The following IFNA14 variants were observed in gnomAD, a reference collection of about 807,000 sequenced individuals.
IFNA14 encodes interferon alpha 14, also known as interferon alpha-14.
For missense variants in IFNA14, 337 were observed against 214.9 expected, an observed-to-expected ratio of 1.57 and a Z score of -3.55; for synonymous variants, 113 against 76.8, an observed-to-expected ratio of 1.47 and a Z score of -2.46.
chr9:21,239,240 A>G lies in IFNA14; in HGVS notation c.*126T>C. On this transcript the variant is annotated 3_prime_UTR_variant, in exon 1 of 1. Transcript: ENST00000380222. ...ATGATGCTTCTTTACACTCCTGAAA[A>G]CATTTGAAAATTTTGATTCAACTTG... 6.6e-7 allele frequency: 1 copy of G among 1,524,384 alleles called. No individual in the cohort carries two copies. The highest frequency in any genetic ancestry group is 8.8e-7 in the Non-Finnish European group (1 of 1,131,608). The allele number at this position is 1,524,384 out of a possible 1,614,324, so 94.4% of individuals were successfully genotyped here. A position where few individuals can be genotyped will look rare whatever the true frequency, so the allele number is the denominator to read the frequency against.
chr9:21,239,614 A>G lies in IFNA14; in HGVS notation c.322T>C (p.Phe108Leu), dbSNP rs1276921070. Reference protein sequence around the residue: ...AAWDETLLEKFYIELFQQMND... With the variant: ...AAWDETLLEKLYIELFQQMND... ...ATTTGCTGGAAAAGTTCAATGTAGA[A>G]TTTTTCTAGGAGGGTCTCATCCCAA... is the stretch of plus-strand genomic sequence containing the variant. Residue 108 changes from phenylalanine to leucine, a missense_variant, in exon 1 of 1, where the codon TTC (phenylalanine) becomes CTC (leucine). Physicochemically the swap from Phe to Leu is conservative, Grantham distance 22 (BLOSUM62 0). Coordinates refer to ENST00000380222, the MANE Select transcript of IFNA14 (RefSeq NM_002172.3). The G allele has an allele frequency of 3.1e-6, 5 of 1,613,766 alleles. No homozygotes were observed. The highest frequency in any genetic ancestry group is 1.1e-5 in the South Asian group (1 of 91,060).
Position 21,239,430 on chromosome 9 carries a change from G to T in IFNA14, c.506C>A (p.Ala169Glu), listed in dbSNP as rs1310231522. 1.1e-5 allele frequency: 17 copies of T among 1,614,086 alleles called. No individual in the cohort carries two copies. Among genetic ancestry groups the T allele is most frequent in the Non-Finnish European group, 1.4e-5 (17 of 1,180,010 alleles). ...YSPCAWEVVR[A>E]EIMRSLSFST... ...AAAAGAGAGGGATCTCATGATTTCTGCTCTGACAACCTCCCAGGCACAAGG... is the reference window on the plus strand; with the variant it reads ...AAAAGAGAGGGATCTCATGATTTCTTCTCTGACAACCTCCCAGGCACAAGG... The change falls in exon 1 of 1, where the codon GCA (alanine) becomes GAA (glutamate). Residue 169 changes from alanine (A) to glutamate (E), a missense_variant. Ala to Glu is a moderately radical substitution (Grantham distance 107, BLOSUM62 -1). Transcript: ENST00000380222.
chr9:21,239,347 T>A lies in IFNA14; in HGVS notation c.*19A>T. 6.2e-7 allele frequency: 1 copy of A among 1,613,130 alleles called. No individual in the cohort carries two copies. Among genetic ancestry groups the A allele is most frequent in the African/African-American group, 1.3e-5 (1 of 74,922 alleles). On this transcript the variant is annotated 3_prime_UTR_variant, in exon 1 of 1. Transcript: ENST00000380222. ...TGATGTATTAGTCAATGAGAATCAT[T>A]TCCATGATGAACCAGTTTTCAATCC...
At position 21,239,224 on chromosome 9, in the gene IFNA14, C is replaced by T; in HGVS notation, c.*142G>A. 7.0e-7 allele frequency: 1 copy of T among 1,435,220 alleles called. No individual in the cohort carries two copies. Among genetic ancestry groups the T allele is most frequent in the Non-Finnish European group, 9.4e-7 (1 of 1,061,350 alleles). The allele number at this position is 1,435,220 out of a possible 1,614,324, so 88.9% of individuals were successfully genotyped here. ...GCCTGCACAGGTATACATGATGCTT[C>T]TTTACACTCCTGAAAACATTTGAAA... On this transcript the variant is annotated 3_prime_UTR_variant, in exon 1 of 1. Coordinates refer to ENST00000380222, the MANE Select transcript of IFNA14 (RefSeq NM_002172.3).
Position 21,239,503 on chromosome 9 carries a change from T to G in IFNA14, c.433A>C (p.Lys145Gln), listed in dbSNP as rs775290212. ...MNEDSILAVK[K>Q]YFQRITLYLM... ...TAAAGAGTGATTCTTTGGAAGTATT[T>G]CTTCACAGCCAGGATGGAGTCCTCA... is the stretch of plus-strand genomic sequence containing the variant. The change falls in exon 1 of 1, where the codon AAA (lysine) becomes CAA (glutamine). Residue 145 changes from lysine to glutamine, a missense_variant. Lys to Gln is a moderately conservative substitution (Grantham distance 53). Transcript: ENST00000380222. 1.2e-6 allele frequency: 2 copies of G among 1,614,042 alleles called. No homozygotes were observed. The highest frequency in any genetic ancestry group is 1.7e-6 in the Non-Finnish European group (2 of 1,180,046).
In IFNA14 at chr9:21,239,841, A is replaced by C; in HGVS notation, c.95T>G (p.Leu32Arg). Residue 32 changes from leucine (L) to arginine (R), a missense_variant, in exon 1 of 1, where the codon CTG becomes CGG. Transcript: ENST00000380222. ...GAGCATCAAAGTCCTCCTGTTATTC[A>C]GGCTGTGGGTTTGAGACAGATTACA... ...LGCNLSQTHS[L>R]NNRRTLMLMA... 4 of 1,614,098 alleles carry C rather than the reference A, an allele frequency of 2.5e-6. No homozygotes were observed. Among genetic ancestry groups the C allele is most frequent in the Non-Finnish European group, 3.4e-6 (4 of 1,179,990 alleles).
rs2132955694 is a variant in IFNA14, at chr9:21,239,302, G to A, written c.*64C>T. 2 of 1,597,112 alleles carry A rather than the reference G, an allele frequency of 1.3e-6. No homozygotes were observed. Among genetic ancestry groups the A allele is most frequent in the Non-Finnish European group, 1.7e-6 (2 of 1,175,360 alleles). ...GGAGAAGTGAGTCTTTGAAATGGAA[G>A]AACTCATGAAAGTGTGAGATGATGT... On this transcript the variant is annotated 3_prime_UTR_variant, in exon 1 of 1. Coordinates refer to ENST00000380222, the MANE Select transcript of IFNA14 (RefSeq NM_002172.3).
Position 21,239,233 on chromosome 9 carries a change from C to G in IFNA14, c.*133G>C, listed in dbSNP as rs1346453930. Reference sequence around the variant, plus strand: ...GGTATACATGATGCTTCTTTACACTCCTGAAAACATTTGAAAATTTTGATT... The same window carrying G: ...GGTATACATGATGCTTCTTTACACTGCTGAAAACATTTGAAAATTTTGATT... On this transcript the variant is annotated 3_prime_UTR_variant, in exon 1 of 1. Coordinates refer to ENST00000380222, the MANE Select transcript of IFNA14 (RefSeq NM_002172.3). 3.4e-6 allele frequency: 5 copies of G among 1,490,154 alleles called. No individual in the cohort carries two copies. The East Asian group carries it at 1.1e-4, about 34-fold the overall frequency. 92.3% of individuals were successfully genotyped at this position (1,490,154 alleles called of 1,614,324 possible).
chr9:21,239,847 T>A lies in IFNA14; in HGVS notation c.89A>T (p.His30Leu), dbSNP rs1306112516. The A allele has an allele frequency of 6.2e-6, 10 of 1,614,082 alleles. No homozygotes were observed. The South Asian group carries it at 1.1e-4, about 18-fold the overall frequency. ...CAAAGTCCTCCTGTTATTCAGGCTG[T>A]GGGTTTGAGACAGATTACAGCCCAG... The part of the protein sequence containing the change: ...CSLGCNLSQT[H>L]SLNNRRTLML... The change falls in exon 1 of 1, where the codon CAC (histidine) becomes CTC (leucine). Residue 30 changes from histidine (H) to leucine (L), a missense_variant. By Grantham distance (99) the His-to-Leu change is moderately conservative. Coordinates refer to ENST00000380222, the MANE Select transcript of IFNA14 (RefSeq NM_002172.3).
In IFNA14 at chr9:21,239,242, A is replaced by T. The variant is rs1052390529; in HGVS notation, c.*124T>A. The stretch of plus-strand genomic sequence containing the variant: ...GATGCTTCTTTACACTCCTGAAAAC[A>T]TTTGAAAATTTTGATTCAACTTGTG... On this transcript the variant is annotated 3_prime_UTR_variant, in exon 1 of 1. Transcript: ENST00000380222. 2 of 1,532,314 alleles carry T rather than the reference A, an allele frequency of 1.3e-6. No individual in the cohort carries two copies. The highest frequency in any genetic ancestry group is 1.3e-5 in the South Asian group (1 of 78,920). 94.9% of individuals were successfully genotyped at this position (1,532,314 alleles called of 1,614,324 possible).
rs1410108387 is a variant in IFNA14, at chr9:21,239,871, A to G, written c.65T>C (p.Leu22Pro). 2 of 1,614,010 alleles carry G rather than the reference A, an allele frequency of 1.2e-6. No homozygotes were observed. The highest frequency in any genetic ancestry group is 8.5e-7 in the Non-Finnish European group (1 of 1,180,000). Reference sequence around the variant, plus strand: ...GTGGGTTTGAGACAGATTACAGCCCAGAGAGCAGCTTGACTTGCAGCTGAG... The same window carrying G: ...GTGGGTTTGAGACAGATTACAGCCCGGAGAGCAGCTTGACTTGCAGCTGAG... The part of the protein sequence containing the change: ...VVLSCKSSCS[L>P]GCNLSQTHSL... The change falls in exon 1 of 1, where the codon CTG (leucine) becomes CCG (proline). Residue 22 changes from leucine (L) to proline (P), a missense_variant. By Grantham distance (98) the Leu-to-Pro change is moderately conservative. Transcript: ENST00000380222.
chr9:21,239,298 G>T lies in IFNA14; in HGVS notation c.*68C>A. ...TATAGGAGAAGTGAGTCTTTGAAAT[G>T]GAAGAACTCATGAAAGTGTGAGATG... On this transcript the variant is annotated 3_prime_UTR_variant, in exon 1 of 1. Transcript: ENST00000380222. 2 of 1,596,266 alleles carry T rather than the reference G, an allele frequency of 1.3e-6. No homozygotes were observed. The highest frequency in any genetic ancestry group is 2.3e-5 in the South Asian group (2 of 87,782).
At position 21,239,453 on chromosome 9, in the gene IFNA14, A is replaced by T; in HGVS notation, c.483T>A (p.Pro161=). The change falls in exon 1 of 1, where the codon CCT becomes CCA. Residue 161 remains proline (P), a synonymous_variant. Transcript: ENST00000380222. ...CTGCTCTGACAACCTCCCAGGCACA[A>T]GGGCTGTATTTCTTCTCCATCAGAT... ...TLYLMEKKYS[P]CAWEVVRAEI... is the part of the protein sequence containing the mutation. 1 of 1,614,126 alleles carries T rather than the reference A, an allele frequency of 6.2e-7. No homozygotes were observed. Among genetic ancestry groups the T allele is most frequent in the Non-Finnish European group, 8.5e-7 (1 of 1,180,014 alleles).
rs1367902830 is a variant in IFNA14, at chr9:21,239,433, C to A, written c.503G>T (p.Arg168Ile). 1 of 1,614,044 alleles carries A rather than the reference C, an allele frequency of 6.2e-7. No homozygotes were observed. The highest frequency in any genetic ancestry group is 1.3e-5 in the African/African-American group (1 of 74,932). ...KYSPCAWEVV[R>I]AEIMRSLSFS... ...AGAGAGGGATCTCATGATTTCTGCT[C>A]TGACAACCTCCCAGGCACAAGGGCT... The change falls in exon 1 of 1, where the codon AGA becomes ATA. Residue 168 changes from arginine (R) to isoleucine (I), a missense_variant. Transcript: ENST00000380222.
Position 21,239,371 on chromosome 9 carries a change from C to A in IFNA14, c.565G>T (p.Asp189Tyr), listed in dbSNP as rs770723376. ...TNLQKRLRRK[D>Y] Reference sequence around the variant, plus strand: ...TTTCCATGATGAACCAGTTTTCAATCCTTCCTCCTTAATCTTTTTTGCAAG... The same window carrying A: ...TTTCCATGATGAACCAGTTTTCAATACTTCCTCCTTAATCTTTTTTGCAAG... Residue 189 changes from aspartate to tyrosine, a missense_variant, in exon 1 of 1, where the codon GAT becomes TAT. Transcript: ENST00000380222. 6.2e-7 allele frequency: 1 copy of A among 1,613,948 alleles called. No individual in the cohort carries two copies.
rs377063300 is a variant in IFNA14 at position 21,239,973 on chromosome 9, G to C, written c.-38C>G. On this transcript the variant is annotated 5_prime_UTR_variant, in exon 1 of 1. Coordinates refer to ENST00000380222, the MANE Select transcript of IFNA14 (RefSeq NM_002172.3). ...AGATGCTGCTGGGCTGGTTGATGAG[G>C]GGTAACACTGAACCTTGGGTTGTAG... The C allele has an allele frequency of 3.2e-6, 5 of 1,563,354 alleles. No individual in the cohort carries two copies. In the South Asian group the frequency reaches 4.4e-5, roughly 14 times the overall value.
In IFNA14 at chr9:21,239,518, T is replaced by G; in HGVS notation, c.418A>C (p.Ile140Leu). The change falls in exon 1 of 1, where the codon ATC becomes CTC. Residue 140 changes from isoleucine to leucine, a missense_variant. Ile to Leu is a conservative substitution (Grantham distance 5, BLOSUM62 2). Transcript: ENST00000380222. Reference protein sequence around the residue: ...EETPLMNEDSILAVKKYFQRI... With the variant: ...EETPLMNEDSLLAVKKYFQRI... ...TGGAAGTATTTCTTCACAGCCAGGA[T>G]GGAGTCCTCATTCATCAGGGGAGTC... 6.2e-7 allele frequency: 1 copy of G among 1,614,172 alleles called. No homozygotes were observed. The highest frequency in any genetic ancestry group is 8.5e-7 in the Non-Finnish European group (1 of 1,180,016).
Position 21,239,262 on chromosome 9 carries a change from C to T in IFNA14, c.*104G>A, listed in dbSNP as rs1007782449. The T allele has an allele frequency of 4.3e-5, 67 of 1,569,108 alleles. No homozygotes were observed. Among genetic ancestry groups the T allele is most frequent in the Non-Finnish European group, 5.5e-5 (64 of 1,163,072 alleles). On this transcript the variant is annotated 3_prime_UTR_variant, in exon 1 of 1. Transcript: ENST00000380222. The stretch of plus-strand genomic sequence containing the variant: ...AAAACATTTGAAAATTTTGATTCAA[C>T]TTGTGGTGGTTATAGGAGAAGTGAG...
At position 21,239,367 on chromosome 9, in the gene IFNA14, C is replaced by T. The variant is rs773298276; in HGVS notation, c.569G>A (p.Ter190=). The change falls in exon 1 of 1, where the codon TGA becomes TAA. Residue 190 remains the stop codon, a stop_retained_variant. Coordinates refer to ENST00000380222, the MANE Select transcript of IFNA14 (RefSeq NM_002172.3). ...ATCATTTCCATGATGAACCAGTTTTCAATCCTTCCTCCTTAATCTTTTTTG... is the reference window on the plus strand; with the variant it reads ...ATCATTTCCATGATGAACCAGTTTTTAATCCTTCCTCCTTAATCTTTTTTG... ...NLQKRLRRKD[*] 2.5e-6 allele frequency: 4 copies of T among 1,613,730 alleles called. No homozygotes were observed. The highest frequency in any genetic ancestry group is 3.4e-6 in the Non-Finnish European group (4 of 1,179,928).
Sources: allele counts gnomAD v4.1 joint callset, GRCh38; gene constraint gnomAD v4.1.1; transcripts MANE v1.5; gene names NCBI Gene and HGNC (gene_info 2026-07-23, HGNC 2026-07-21).